Variants in GABRA3 observed in about 807,000 individuals in gnomAD.
The protein encoded by GABRA3 is gamma-aminobutyric acid type A receptor subunit alpha3.
In GABRA3, 10 loss-of-function variants were observed where a neutral mutation model predicts 30.1. The observed-to-expected ratio is 0.33, with a 90% confidence interval of 0.20 to 0.56. The LOEUF is 0.56. Among genes scored for constraint, GABRA3 ranks in the 20% least tolerant of loss-of-function variants. GABRA3 has a pLI of 0.89. For missense variants in GABRA3, 233 were observed against 392.0 expected (o/e 0.59, Z 3.42); for synonymous variants, 151 against 146.8 (o/e 1.03, Z -0.21).
rs966969843 is a variant in GABRA3, at chrX:152,257,912, G to A, written c.331-1914C>T. 2.7e-5 allele frequency among the ~76,000 whole-genome samples: 3 copies of A among 112,143 alleles called. No homozygotes were observed. In the South Asian group the frequency reaches 1.1e-3, roughly 41 times the overall value. The stretch of plus-strand genomic sequence containing the variant: ...TGTCTGCCTGATCTGAAGTTTACAA[G>A]CTGAAAACTTAACACAAAAATTGGT... On this transcript the variant is annotated intron_variant, in intron 4 of 9. Coordinates refer to ENST00000370314, the MANE Select transcript of GABRA3 (RefSeq NM_000808.4).
chrX:152,409,367 C>G (rs1363332520), intron 1 of GABRA3, among the ~76,000 whole-genome samples: 4 of 110,733 alleles, frequency 3.6e-5, no homozygotes, highest in Non-Finnish European at 7.6e-5. Context: ...ATCAATCAAT[C>G]AAATCAAAAT....
At chrX:152,295,207 G>C (rs1939504604) in intron 3 of GABRA3, among the ~76,000 whole-genome samples, 1 of 112,289 alleles carries the variant, frequency 8.9e-6, no homozygotes, top group African/African-American at 3.2e-5. Flanking sequence ...ACACTGTGCT[G>C]GGAGAACCAC....
At chrX:152,225,899 C>T (rs1399251568) in intron 5 of GABRA3, among the ~76,000 whole-genome samples, 8 of 110,410 alleles carry the variant, frequency 7.2e-5, no homozygotes, top group Admixed American at 6.8e-4. Context: ...TCAATTATAG[C>T]GTCACCCATT....
chrX:152,258,771 A>G (rs1688600253), intron 4 of GABRA3, among the ~76,000 whole-genome samples: 1 of 111,895 alleles, frequency 8.9e-6, no homozygotes, highest in African/African-American at 3.3e-5. Context: ...AGACAATAAA[A>G]ATACACTTTG....
chrX:152,178,492 C>G (rs1374092185), intron 9 of GABRA3, among the ~76,000 whole-genome samples: 1 of 111,012 alleles, frequency 9.0e-6, no homozygotes, highest in Non-Finnish European at 1.9e-5. Context: ...CTAAGCTTTT[C>G]CAAGATTTGA....
At chrX:152,360,525 T>C (rs1206463417) in intron 2 of GABRA3, among the ~76,000 whole-genome samples, 1 of 70,440 alleles carries the variant, frequency 1.4e-5, no homozygotes, top group Non-Finnish European at 2.6e-5. Flanking sequence ...GGAAGGGGAA[T>C]ATCACACTCT....
Position 152,345,573 on chromosome X carries a change from G to A in GABRA3, c.262+8C>T, listed in dbSNP as rs766708365. 2 of 1,198,815 alleles carry A rather than the reference G, an allele frequency of 1.7e-6. No homozygotes were observed. Among genetic ancestry groups the A allele is most frequent in the East Asian group, 5.9e-5 (2 of 33,713 alleles). ...GAAAAGGACTTCAAAGATCTTAAAAGGACTGACCTCCAAGCCCAGGTCGCA... is the reference window on the plus strand; with the variant it reads ...GAAAAGGACTTCAAAGATCTTAAAAAGACTGACCTCCAAGCCCAGGTCGCA... On this transcript the variant is annotated splice_region_variant and intron_variant, in intron 3 of 9. Transcript: ENST00000370314.
chrX:152,368,919 A>C (rs1237894456), intron 1 of GABRA3, among the ~76,000 whole-genome samples: 2 of 110,084 alleles, frequency 1.8e-5, no homozygotes, highest in African/African-American at 6.6e-5. Flanking sequence ...GTTAGCCAGG[A>C]TTGTCTCGAT....
chrX:152,325,843 G>A (rs1168174694), intron 3 of GABRA3, among the ~76,000 whole-genome samples: 1 of 111,896 alleles, frequency 8.9e-6, no homozygotes. Context: ...AAGCTGGACA[G>A]AGAATGACTT....
chrX:152,228,246 A>G (rs1259249251), intron 5 of GABRA3, among the ~76,000 whole-genome samples: 6 of 112,004 alleles, frequency 5.4e-5, no homozygotes, highest in Non-Finnish European at 1.1e-4. Context: ...GACAGCATTG[A>G]CATGTTTAAG....
At chrX:152,208,695 C>T (rs912797090) in intron 6 of GABRA3, among the ~76,000 whole-genome samples, 2 of 111,431 alleles carry the variant, frequency 1.8e-5, no homozygotes, top group African/African-American at 6.5e-5. Flanking sequence ...TATTAGTTCA[C>T]AGGCTATCTG....
intron 1 of GABRA3, among the ~76,000 whole-genome samples, chrX:152,442,387 A>G (rs1179412434): frequency 9.0e-6 from 1 of 111,554 alleles, no homozygotes; most frequent in Non-Finnish European, 1.9e-5. Context: ...AAAATAAAAA[A>G]AGGGAAAAAA....
chrX:152,336,380 C>T (rs990221550), intron 3 of GABRA3, among the ~76,000 whole-genome samples: 2 of 111,972 alleles, frequency 1.8e-5, no homozygotes, highest in African/African-American at 6.5e-5. Flanking sequence ...CAATTTAAAC[C>T]TGTTTCTTGT....
intron 1 of GABRA3, among the ~76,000 whole-genome samples, chrX:152,415,972 TA>T: frequency 9.8e-6 from 1 of 101,827 alleles, no homozygotes; most frequent in Admixed American, 1.2e-4. Context: ...GCCAATTAAA[TA>T]ATGATGATTC....
intron 1 of GABRA3, among the ~76,000 whole-genome samples, chrX:152,430,754 A>G (rs1040702968): frequency 8.0e-5 from 9 of 111,929 alleles, no homozygotes; most frequent in Non-Finnish European, 1.7e-4. Flanking sequence ...AAAACTCTAT[A>G]GAAGTGTGGG....
chrX:152,178,785 C>G (rs1205104233), intron 9 of GABRA3, among the ~76,000 whole-genome samples: 1 of 110,971 alleles, frequency 9.0e-6, no homozygotes, highest in African/African-American at 3.3e-5. Flanking sequence ...AATCAAGAAA[C>G]CCTTACCCCA....
intron 1 of GABRA3, among the ~76,000 whole-genome samples, chrX:152,390,678 C>A (rs1929453930): frequency 8.9e-6 from 1 of 111,924 alleles, no homozygotes; most frequent in Non-Finnish European, 1.9e-5. Flanking sequence ...TAGACTATAA[C>A]ACACACCAAG....
intron 1 of GABRA3, among the ~76,000 whole-genome samples, chrX:152,371,495 T>C (rs1198638016): frequency 9.0e-6 from 1 of 111,230 alleles, no homozygotes; most frequent in South Asian, 3.8e-4. Context: ...ATTATTTGGT[T>C]ATTGTCTCAT....
intron 4 of GABRA3, among the ~76,000 whole-genome samples, chrX:152,283,131 GTTAACACATGCCTGGATT>G (rs1939227752): frequency 9.0e-6 from 1 of 111,518 alleles, no homozygotes; most frequent in Non-Finnish European, 1.9e-5. Context: ...TGGCAACAAT[GTTAACACATGCCTGGATT>G]TTAACACATG....
Sources: gnomAD v4.1 joint callset for allele counts (sites outside exome capture counted in the v4.1 genomes callset) on GRCh38, gnomAD v4.1.1 for gene constraint, MANE v1.5 for transcripts, NCBI Gene and HGNC (gene_info 2026-07-23, HGNC 2026-07-21) for gene names.